Variants in TGM1 observed in about 807,000 individuals in gnomAD.
TGM1 encodes the protein protein-glutamine gamma-glutamyltransferase K.
A neutral mutation model predicts 88.7 loss-of-function variants in TGM1; 63 were observed. The observed-to-expected ratio is 0.71, with a 90% CI of 0.58 to 0.88. TGM1 has a LOEUF of 0.88. Ranked by LOEUF, TGM1 falls within the 40% of genes least tolerant of loss-of-function variation. TGM1 has a pLI of 0.00. For synonymous variants in TGM1, 415 were observed against 431.1 expected (o/e 0.96, Z 0.46); for missense variants, 996 against 1,118.0 (o/e 0.89, Z 1.56).
At chr14:24,260,209 C>A in intron 4 of TGM1, 151 bp from the exon 5 acceptor site, 1 of 936,138 alleles carries the variant, frequency 1.1e-6, no homozygotes, top group Non-Finnish European at 1.7e-6. Context: ...ACACGGGGAG[C>A]ATGACAGATG....
Position 24,250,148 on chromosome 14 carries a change from C to G in TGM1, c.2226-607G>C, listed in dbSNP as rs1043417505. Among the ~76,000 whole-genome samples the G allele has an allele frequency of 2.0e-4, 29 of 143,070 alleles. No individual in the cohort carries two copies. In the East Asian group the frequency reaches 2.4e-3, roughly 12 times the overall value. The allele number at this position is 143,070 out of a possible 152,430, so 93.9% of individuals were successfully genotyped here. On this transcript the variant is annotated intron_variant, in intron 14 of 14. Coordinates refer to ENST00000206765, the MANE Select transcript of TGM1 (RefSeq NM_000359.3). ...TAAATGGACATAAACCCTTATGTCTCTGTGTGTGTGTGTGTGTGTGTGTGT... is the reference window on the plus strand; with the variant it reads ...TAAATGGACATAAACCCTTATGTCTGTGTGTGTGTGTGTGTGTGTGTGTGT...
chr14:24,262,719 G>A (rs1464447509), intron 1 of TGM1, among the ~76,000 whole-genome samples: 1 of 152,198 alleles, frequency 6.6e-6, no homozygotes, highest in Non-Finnish European at 1.5e-5. Context: ...AGCATCCCTG[G>A]GCCTGGTCCG....
At chr14:24,257,622 C>T (rs1433973552) in intron 9 of TGM1, among the ~76,000 whole-genome samples, 2 of 152,242 alleles carry the variant, frequency 1.3e-5, no homozygotes, top group African/African-American at 4.8e-5. Flanking sequence ...TGACCTACCA[C>T]TCTGTGCCCC....
intron 14 of TGM1, among the ~76,000 whole-genome samples, chr14:24,250,179 T>TGTGAGA (rs138497842): frequency 0.011 from 1,563 of 140,424 alleles, 19 homozygotes; most frequent in Non-Finnish European, 0.014. Context: ...TGTGTGTGTG[T>TGTGAGA]GAGAGAGACA....
chr14:24,251,548 C>T (rs1276031223), intron 14 of TGM1, among the ~76,000 whole-genome samples: 2 of 152,234 alleles, frequency 1.3e-5, no homozygotes, highest in South Asian at 2.1e-4. Flanking sequence ...TCTGCTAAAG[C>T]TGGGATGTTC....
In TGM1 at chr14:24,249,155, A is replaced by C. The variant is rs1191227369; in HGVS notation, c.*158T>G. On this transcript the variant is annotated 3_prime_UTR_variant, in exon 15 of 15. Transcript: ENST00000206765. Reference sequence around the variant, plus strand: ...TTATTAGCATCTGTTCCCCCAGTGCAAGTGAAGACTGACTCCCTCTCCGGG... The same window carrying C: ...TTATTAGCATCTGTTCCCCCAGTGCCAGTGAAGACTGACTCCCTCTCCGGG... 1.9e-5 allele frequency: 13 copies of C among 700,176 alleles called. No individual in the cohort carries two copies. In the Admixed American group the frequency reaches 2.8e-4, roughly 15 times the overall value. 43.4% of individuals were successfully genotyped at this position (700,176 alleles called of 1,614,324 possible). A position where few individuals can be genotyped will look rare whatever the true frequency, so the allele number is the denominator to read the frequency against.
chr14:24,255,555 G>T lies in TGM1; in HGVS notation c.1492-38C>A. The T allele has an allele frequency of 6.2e-7, 1 of 1,611,020 alleles. No individual in the cohort carries two copies. On this transcript the variant is annotated intron_variant, in intron 10 of 14. Transcript: ENST00000206765. This position sits in a 1 kb window ranked among gnomAD's most constrained non-coding sequence, Gnocchi z 4.0. The stretch of plus-strand genomic sequence containing the variant: ...GGGGTGAGCAGGAATGAGTGAGCCA[G>T]AGGGTCTGAGGGTGGCCTGACTCCC...
intron 14 of TGM1, among the ~76,000 whole-genome samples, chr14:24,251,869 C>A (rs959408319): frequency 6.6e-6 from 1 of 152,180 alleles, no homozygotes; most frequent in African/African-American, 2.4e-5. Context: ...GGTTTCTCTG[C>A]AAAGTCAAAT....
rs1480599092 is a variant in TGM1, at chr14:24,250,163, T to TGC, written c.2226-623_2226-622insGC. ...CCTTATGTCTCTGTGTGTGTGTGTG[T>TGC]GTGTGTGTGTGTGTGTGAGAGAGAC... On this transcript the variant is annotated intron_variant, in intron 14 of 14. Coordinates refer to ENST00000206765, the MANE Select transcript of TGM1 (RefSeq NM_000359.3). 9.7e-5 allele frequency among the ~76,000 whole-genome samples: 4 copies of TGC among 41,370 alleles called. No individual in the cohort carries two copies. The Admixed American group carries it at 1.3e-3, about 14-fold the overall frequency. 27.1% of individuals were successfully genotyped at this position (41,370 alleles called of 152,430 possible). A position where few individuals can be genotyped will look rare whatever the true frequency, so the allele number is the denominator to read the frequency against.
intron 9 of TGM1, 115 bp from the exon 10 acceptor site, chr14:24,256,192 T>C (rs796172065): frequency 2.0e-5 from 17 of 855,574 alleles, no homozygotes; most frequent in Middle Eastern, 6.3e-4. Context: ...CCGGTCCCAC[T>C]GCCTGGTGGC....
chr14:24,255,277 AG>A lies in TGM1; in HGVS notation c.1646-25del. The A allele has an allele frequency of 6.2e-7, 1 of 1,614,044 alleles. No homozygotes were observed. The highest frequency in any genetic ancestry group is 8.5e-7 in the Non-Finnish European group (1 of 1,180,010). On this transcript the variant is annotated intron_variant, in intron 11 of 14. Transcript: ENST00000206765. This position sits in a 1 kb window ranked among gnomAD's most constrained non-coding sequence, Gnocchi z 4.0. ...GCCTGGGGGTTGAGGGTCAAGGGTG[AG>A]GTTCCAATTCCCACGTGGGTGGCCA...
In TGM1 at chr14:24,254,177, G is replaced by A; in HGVS notation, c.2200C>T (p.Gln734Ter). 1 of 1,612,972 alleles carries A rather than the reference G, an allele frequency of 6.2e-7. No homozygotes were observed. The highest frequency in any genetic ancestry group is 8.5e-7 in the Non-Finnish European group (1 of 1,179,536). Reference sequence around the variant, plus strand: ...CCAACGTTGAGGATCTTGGGCCTCTGTAACCCAGAGCCTTCGAGCCGGAAG... The same window carrying A: ...CCAACGTTGAGGATCTTGGGCCTCTATAACCCAGAGCCTTCGAGCCGGAAG... ...VVFRLEGSGLQRPKILNVGDI... is the reference protein window; with the variant it reads ...VVFRLEGSGL The change falls in exon 14 of 15, where the codon CAG becomes TAG. Residue 734 changes from glutamine (Q) to a stop codon, truncating the protein, a stop_gained. Transcript: ENST00000206765. LOFTEE classifies it high-confidence loss of function.
intron 14 of TGM1, 31 bp from the exon 15 acceptor site, chr14:24,249,572 A>T (rs750948684): frequency 4.4e-6 from 7 of 1,597,236 alleles, no homozygotes; most frequent in Non-Finnish European, 6.0e-6. Flanking sequence ...ATGGGCCTGG[A>T]GTAATTGGGG....
Position 24,255,491 on chromosome 14 carries a change from C to T in TGM1, c.1518G>A (p.Gln506=), listed in dbSNP as rs143320733. The change falls in exon 11 of 15, where the codon CAG becomes CAA. Residue 506 remains glutamine, a synonymous_variant. Coordinates refer to ENST00000206765, the MANE Select transcript of TGM1 (RefSeq NM_000359.3). The surrounding 1 kb of genome is among the most constrained non-coding windows in gnomAD (Gnocchi z 4.0). ...AEVNSDKVYW[Q]RQDDGSFKIV... is the part of the protein sequence containing the mutation. ...TCTTGAAGCTGCCATCATCCTGCCGCTGCCAGTACACCTTGTCACTATTCA... is the reference window on the plus strand; with the variant it reads ...TCTTGAAGCTGCCATCATCCTGCCGTTGCCAGTACACCTTGTCACTATTCA... 1 of 1,613,730 alleles carries T rather than the reference C, an allele frequency of 6.2e-7. No homozygotes were observed. Among genetic ancestry groups the T allele is most frequent in the Non-Finnish European group, 8.5e-7 (1 of 1,180,046 alleles).
At chr14:24,250,045 C>T (rs2040687895) in intron 14 of TGM1, among the ~76,000 whole-genome samples, 1 of 152,080 alleles carries the variant, frequency 6.6e-6, no homozygotes, top group South Asian at 2.1e-4. Flanking sequence ...AGAGCATTTT[C>T]ACACACCAAA....
Position 24,262,257 on chromosome 14 carries a change from GTCTGGC to G in TGM1, c.90_95del (p.Glu30_Pro31del), listed in dbSNP as rs762513810. On this transcript the variant is annotated inframe_deletion, in exon 2 of 15. Coordinates refer to ENST00000206765, the MANE Select transcript of TGM1 (RefSeq NM_000359.3). The stretch of plus-strand genomic sequence containing the variant: ...GGCCTCCTCCTCTGCGAGAGCGTCC[GTCTGGC>G]TCTGGCTCTGGCTCTGGAGATGGCG... The G allele has an allele frequency of 9.3e-6, 15 of 1,613,656 alleles. No individual in the cohort carries two copies. The highest frequency in any genetic ancestry group is 6.7e-5 in the East Asian group (3 of 44,892).
chr14:24,250,078 G>GA (rs1162888381), intron 14 of TGM1, among the ~76,000 whole-genome samples: 3 of 151,042 alleles, frequency 2.0e-5, no homozygotes, highest in East Asian at 1.9e-4. Flanking sequence ...TGTTATCTTT[G>GA]AAAAAAAAGG....
Position 24,261,801 on chromosome 14 carries a change from A to G in TGM1, c.402T>C (p.Tyr134=), listed in dbSNP as rs1335270082. The G allele has an allele frequency of 1.1e-5, 18 of 1,614,100 alleles. No individual in the cohort carries two copies. The highest frequency in any genetic ancestry group is 1.5e-5 in the Non-Finnish European group (18 of 1,180,004). The change falls in exon 3 of 15, where the codon TAT becomes TAC. Residue 134 remains tyrosine (Y), a synonymous_variant. Coordinates refer to ENST00000206765, the MANE Select transcript of TGM1 (RefSeq NM_000359.3). The stretch of plus-strand genomic sequence containing the variant: ...GGCGCACTATCAGCTCGTCGTACTC[A>G]TACTCGTCTGTGTGGTGCTCTCGGC... ...QNRREHHTDE[Y]EYDELIVRRG...
intron 9 of TGM1, among the ~76,000 whole-genome samples, chr14:24,257,324 G>T (rs1375183566): frequency 6.6e-6 from 1 of 152,206 alleles, no homozygotes; most frequent in Non-Finnish European, 1.5e-5. Context: ...TGGGGCTGGG[G>T]TATCACGGTA....
Sources: allele counts gnomAD v4.1 joint callset (sites outside exome capture counted in the v4.1 genomes callset), GRCh38; gene constraint gnomAD v4.1.1; non-coding constraint Gnocchi (gnomAD v3.1); transcripts MANE v1.5; gene names NCBI Gene and HGNC (gene_info 2026-07-23, HGNC 2026-07-21).